GALNTL6: variants seen among roughly 807,000 people sequenced by gnomAD.
GALNTL6 encodes the protein polypeptide N-acetylgalactosaminyltransferase like 6, also known as polypeptide N-acetylgalactosaminyltransferase-like 6.
GALNTL6 carries 46 observed loss-of-function variants against 73.7 expected under a neutral mutation model. That is an observed-to-expected ratio of 0.62 (90% CI 0.49 to 0.80). GALNTL6 has a LOEUF of 0.80. GALNTL6 is among the 30% of genes least tolerant of loss of function. The probability of loss-of-function intolerance (pLI) is 0.00; values close to 1 mark genes in which losing one functional copy is unlikely to be tolerated. For missense variants in GALNTL6, 604 were observed against 755.0 expected, an observed-to-expected ratio of 0.80 and a Z score of 2.34; for synonymous variants, 259 against 263.7, an observed-to-expected ratio of 0.98 and a Z score of 0.17.
Position 172,161,449 on chromosome 4 carries a change from G to A in GALNTL6, c.139-68207G>A, listed in dbSNP as rs1179890515. Among the ~76,000 whole-genome samples the A allele has an allele frequency of 2.0e-5, 3 of 148,480 alleles. No homozygotes were observed. In the Admixed American group the frequency reaches 2.0e-4, roughly 10 times the overall value. On this transcript the variant is annotated intron_variant, in intron 2 of 12. Coordinates refer to ENST00000506823, the MANE Select transcript of GALNTL6 (RefSeq NM_001034845.3). ...TTTGTTTTAGTGGAGGAAAGAAAGA[G>A]AGGGCAATTATAAGCAGTGTGGTTG...
At position 172,609,540 on chromosome 4, in the gene GALNTL6, T is replaced by G. The variant is rs1041341530; in HGVS notation, c.554-199821T>G. 1.1e-4 allele frequency among the ~76,000 whole-genome samples: 16 copies of G among 151,668 alleles called. No homozygotes were observed. In the East Asian group the frequency reaches 2.7e-3, roughly 26 times the overall value. On this transcript the variant is annotated intron_variant, in intron 5 of 12. Coordinates refer to ENST00000506823, the MANE Select transcript of GALNTL6 (RefSeq NM_001034845.3). ...CTTTTGATGTGCTGCCAGATTCAGT[T>G]TGCCAGTGTTTTATTGAGGATTTTT...
intron 2 of GALNTL6, among the ~76,000 whole-genome samples, chr4:172,086,134 G>A (rs764718684): frequency 2.6e-5 from 4 of 151,982 alleles, no homozygotes; most frequent in Non-Finnish European, 4.4e-5. Flanking sequence ...ATTGTCCTGA[G>A]GGATTTAGTA....
At chr4:172,853,204 T>C (rs1018924500) in intron 7 of GALNTL6, among the ~76,000 whole-genome samples, 2 of 152,186 alleles carry the variant, frequency 1.3e-5, no homozygotes, top group African/African-American at 4.8e-5. Context: ...GCAAGCTTAC[T>C]CAGGTTGTTG....
At chr4:172,135,895 T>C (rs2111027731) in intron 2 of GALNTL6, among the ~76,000 whole-genome samples, 1 of 152,280 alleles carries the variant, frequency 6.6e-6, no homozygotes, top group Admixed American at 6.5e-5. Flanking sequence ...TAGTTTTAAT[T>C]GCATAAGTTA....
chr4:171,899,890 C>T (rs1448382093), intron 2 of GALNTL6, among the ~76,000 whole-genome samples: 3 of 152,146 alleles, frequency 2.0e-5, no homozygotes, highest in Non-Finnish European at 4.4e-5. Context: ...TACTTGATTA[C>T]AAAAGTCATT....
chr4:172,434,163 G>A (rs1039454059), intron 5 of GALNTL6, among the ~76,000 whole-genome samples: 26 of 151,978 alleles, frequency 1.7e-4, no homozygotes, highest in African/African-American at 4.8e-4. Context: ...ATTTTGTGAC[G>A]AAAATATAAT....
At chr4:172,172,101 T>C (rs530693751) in intron 2 of GALNTL6, among the ~76,000 whole-genome samples, 3 of 152,298 alleles carry the variant, frequency 2.0e-5, no homozygotes, top group Admixed American at 6.5e-5. Context: ...TATTTGTAGA[T>C]AGGGCCTTTA....
At chr4:172,524,148 C>A (rs1040064168) in intron 5 of GALNTL6, among the ~76,000 whole-genome samples, 22 of 152,262 alleles carry the variant, frequency 1.4e-4, no homozygotes, top group Middle Eastern at 3.4e-3. Flanking sequence ...ACATTCTATT[C>A]TGTGGACACT....
intron 2 of GALNTL6, among the ~76,000 whole-genome samples, chr4:172,095,183 A>G (rs936904834): frequency 5.9e-5 from 4 of 67,868 alleles, no homozygotes; most frequent in African/African-American, 2.1e-4. Flanking sequence ...AAAATTATGC[A>G]TTACTGAAAA....
At chr4:172,832,473 C>T (rs1292589562) in intron 7 of GALNTL6, among the ~76,000 whole-genome samples, 1 of 152,168 alleles carries the variant, frequency 6.6e-6, no homozygotes, top group African/African-American at 2.4e-5. Context: ...CAGGAAGAAA[C>T]CCAAATTTAA....
At chr4:171,911,047 A>C (rs542174214) in intron 2 of GALNTL6, among the ~76,000 whole-genome samples, 54 of 152,202 alleles carry the variant, frequency 3.5e-4, no homozygotes, top group Non-Finnish European at 5.4e-4. Flanking sequence ...AGAGTCACTA[A>C]TACCTCTGTT....
intron 5 of GALNTL6, among the ~76,000 whole-genome samples, chr4:172,557,689 ATAC>A (rs1736199565): frequency 6.6e-6 from 1 of 152,208 alleles, no homozygotes; most frequent in Admixed American, 6.5e-5. Flanking sequence ...CCATTATGAA[ATAC>A]TACTACATAA....
At chr4:172,455,535 C>T (rs966779190) in intron 5 of GALNTL6, among the ~76,000 whole-genome samples, 1 of 152,156 alleles carries the variant, frequency 6.6e-6, no homozygotes, top group African/African-American at 2.4e-5. Context: ...AAGGCGTCCA[C>T]CATTACTGAG....
rs576173595 is a variant in GALNTL6, at chr4:172,876,653, T to C, written c.924-6137T>C. ...GGAGAATAGTCCTCTCTTATCCCCA[T>C]AGAACCTCGTGACACCATAAAAAGT... On this transcript the variant is annotated intron_variant, in intron 7 of 12. Transcript: ENST00000506823. Among the ~76,000 whole-genome samples the C allele has an allele frequency of 4.2e-4, 64 of 152,236 alleles. No individual in the cohort carries two copies. In the Middle Eastern group the frequency reaches 0.024, roughly 57 times the overall value.
intron 2 of GALNTL6, among the ~76,000 whole-genome samples, chr4:171,987,116 C>G (rs554931467): frequency 3.3e-5 from 5 of 152,136 alleles, no homozygotes; most frequent in South Asian, 4.1e-4. Flanking sequence ...TATACAGGAG[C>G]TCAAATGGGC....
At chr4:172,844,970 C>A (rs923476318) in intron 7 of GALNTL6, among the ~76,000 whole-genome samples, 2 of 152,026 alleles carry the variant, frequency 1.3e-5, no homozygotes, top group Non-Finnish European at 1.5e-5. Flanking sequence ...AATCCCAGCA[C>A]TTTGGGAGGC....
chr4:172,167,965 C>CAAAAAAA (rs70941387), intron 2 of GALNTL6, among the ~76,000 whole-genome samples: 1 of 113,960 alleles, frequency 8.8e-6, no homozygotes, highest in Non-Finnish European at 1.8e-5. Flanking sequence ...GACTCCGTCT[C>CAAAAAAA]AAAAAAAAAA....
intron 5 of GALNTL6, among the ~76,000 whole-genome samples, chr4:172,646,303 A>G (rs1423253357): frequency 6.6e-6 from 1 of 152,036 alleles, no homozygotes; most frequent in Admixed American, 6.6e-5. Flanking sequence ...GGGATTAATC[A>G]GCATTTTAAC....
At chr4:172,742,029 A>G (rs1736836526) in intron 5 of GALNTL6, among the ~76,000 whole-genome samples, 1 of 152,028 alleles carries the variant, frequency 6.6e-6, no homozygotes, top group Non-Finnish European at 1.5e-5. Flanking sequence ...CACTGCATAC[A>G]TACAACAAAA....
Sources: gnomAD v4.1 joint callset for allele counts (sites outside exome capture counted in the v4.1 genomes callset) on GRCh38, gnomAD v4.1.1 for gene constraint, MANE v1.5 for transcripts, NCBI Gene and HGNC (gene_info 2026-07-23, HGNC 2026-07-21) for gene names.